TLN2: variants seen among roughly 807,000 people sequenced by gnomAD.
TLN2 encodes the protein talin-2.
Under a neutral mutation model 294.7 loss-of-function variants are expected in TLN2, and 118 were observed. That is an observed-to-expected ratio of 0.40 (90% CI 0.34 to 0.47). TLN2 has a LOEUF of 0.47. TLN2 is among the 20% of genes least tolerant of loss of function. The pLI is 0.84. For missense variants in TLN2, 3,083 were observed against 3,282.2 expected, an observed-to-expected ratio of 0.94 and a Z score of 1.48; for synonymous variants, 1,431 against 1,304.5, an observed-to-expected ratio of 1.10 and a Z score of -2.09.
intron 1 of TLN2, among the ~76,000 whole-genome samples, chr15:62,435,166 T>C (rs991114746): frequency 2.6e-5 from 4 of 152,246 alleles, no homozygotes; most frequent in African/African-American, 9.6e-5. Flanking sequence ...CAGTCTATCA[T>C]TGATGGGCAT....
At chr15:62,633,345 G>A (rs1362227191) in intron 3 of TLN2, among the ~76,000 whole-genome samples, 1 of 152,222 alleles carries the variant, frequency 6.6e-6, no homozygotes. Flanking sequence ...TACTCAGGCT[G>A]CAGTACGGTG....
chr15:62,564,941 T>TAC (rs376976557), intron 1 of TLN2, among the ~76,000 whole-genome samples: 15,188 of 136,842 alleles, frequency 0.11, 1,071 homozygotes, highest in African/African-American at 0.17. Context: ...TATATATATA[T>TAC]ACTGCATTCC....
chr15:62,468,610 T>C (rs969291890), intron 1 of TLN2, among the ~76,000 whole-genome samples: 2 of 151,886 alleles, frequency 1.3e-5, no homozygotes, highest in Admixed American at 6.6e-5. Flanking sequence ...CCGGGTGTGG[T>C]GGCGGGCGCC....
Position 62,518,866 on chromosome 15 carries a change from G to T in TLN2, c.-237-70821G>T, listed in dbSNP as rs1035457788. On this transcript the variant is annotated intron_variant, in intron 1 of 58. Coordinates refer to ENST00000636159, the MANE Select transcript of TLN2 (RefSeq NM_015059.3). ...ACCAGCCTCAGCCTCCCAAAGTGCA[G>T]GGATTATAGGAGTGAGCCATGGCGT... Among the ~76,000 whole-genome samples the T allele has an allele frequency of 1.1e-4, 16 of 152,174 alleles. No homozygotes were observed. In the South Asian group the frequency reaches 2.1e-3, roughly 20 times the overall value.
chr15:62,456,087 T>C (rs895543492), intron 1 of TLN2, among the ~76,000 whole-genome samples: 1 of 150,966 alleles, frequency 6.6e-6, no homozygotes, highest in Non-Finnish European at 1.5e-5. Flanking sequence ...AAAAAGAACC[T>C]TACTGGATCA....
chr15:62,657,739 CT>C, intron 8 of TLN2, 31 bp from the exon 9 acceptor site: 2 of 1,607,926 alleles, frequency 1.2e-6, no homozygotes, highest in Non-Finnish European at 1.7e-6. Flanking sequence ...TCCCCGAAGC[CT>C]CTGATGCTTT....
rs140481334 is a variant in TLN2 at position 62,785,215 on chromosome 15, T to G, written c.5736+1325T>G. Among the ~76,000 whole-genome samples the G allele has an allele frequency of 9.8e-5, 15 of 152,344 alleles. No homozygotes were observed. In the East Asian group the frequency reaches 2.7e-3, roughly 27 times the overall value. On this transcript the variant is annotated intron_variant, in intron 45 of 58. Coordinates refer to ENST00000636159, the MANE Select transcript of TLN2 (RefSeq NM_015059.3). The stretch of plus-strand genomic sequence containing the variant: ...TCAGATACCCACATTAAGATTCTGT[T>G]GATTCTTTACACAGGCCTATCATTT...
At chr15:62,422,085 A>AC (rs1455906358) in intron 1 of TLN2, among the ~76,000 whole-genome samples, 1 of 151,654 alleles carries the variant, frequency 6.6e-6, no homozygotes, top group African/African-American at 2.4e-5. Context: ...ACATGGTGAA[A>AC]CCCCGTCTGT....
intron 1 of TLN2, among the ~76,000 whole-genome samples, chr15:62,536,256 A>G (rs553467621): frequency 2.6e-4 from 40 of 152,302 alleles, no homozygotes; most frequent in African/African-American, 9.6e-4. Context: ...GCTTTTTTAA[A>G]GCTGCTCAGG....
chr15:62,569,518 A>T (rs1226045124), intron 1 of TLN2, among the ~76,000 whole-genome samples: 1 of 152,150 alleles, frequency 6.6e-6, no homozygotes, highest in East Asian at 1.9e-4. Context: ...GGGTGCTAGG[A>T]TGGTCTTCTC....
chr15:62,685,399 T>C (rs973735927), intron 11 of TLN2, among the ~76,000 whole-genome samples: 1 of 152,162 alleles, frequency 6.6e-6, no homozygotes, highest in East Asian at 1.9e-4. Flanking sequence ...TGTCTGAAAA[T>C]TGGGTGGTTT....
chr15:62,771,798 C>G (rs1217752747), intron 42 of TLN2, among the ~76,000 whole-genome samples: 1 of 152,210 alleles, frequency 6.6e-6, no homozygotes, highest in African/African-American at 2.4e-5. Context: ...GGAGGATGGA[C>G]TGGGCTGCAG....
chr15:62,659,895 TAAAAC>T (rs1485835509), intron 9 of TLN2, among the ~76,000 whole-genome samples: 4 of 152,186 alleles, frequency 2.6e-5, no homozygotes, highest in Non-Finnish European at 1.5e-5. Flanking sequence ...CCTTCTTAAT[TAAAAC>T]AAAACAGCGA....
intron 1 of TLN2, among the ~76,000 whole-genome samples, chr15:62,521,773 T>G (rs190577587): frequency 3.2e-4 from 49 of 152,328 alleles, no homozygotes; most frequent in South Asian, 6.2e-4. Flanking sequence ...AACGGACATT[T>G]TCCGCATGCA....
intron 1 of TLN2, among the ~76,000 whole-genome samples, chr15:62,523,607 G>A (rs886374577): frequency 2.0e-5 from 3 of 152,140 alleles, no homozygotes; most frequent in Non-Finnish European, 2.9e-5. Context: ...GGCGTAAGTG[G>A]GAGAATTTAT....
At chr15:62,572,089 C>A (rs2043920518) in intron 1 of TLN2, among the ~76,000 whole-genome samples, 1 of 152,162 alleles carries the variant, frequency 6.6e-6, no homozygotes, top group Non-Finnish European at 1.5e-5. Context: ...CTCTAATTCC[C>A]TGTTATGCTC....
chr15:62,506,670 G>C (rs1237766469), intron 1 of TLN2, among the ~76,000 whole-genome samples: 1 of 152,214 alleles, frequency 6.6e-6, no homozygotes, highest in Non-Finnish European at 1.5e-5. Flanking sequence ...CTAGGGTCTT[G>C]CATACTTTGA....
chr15:62,513,686 C>G (rs577606394), intron 1 of TLN2, among the ~76,000 whole-genome samples: 16 of 152,324 alleles, frequency 1.1e-4, no homozygotes, highest in African/African-American at 3.1e-4. Flanking sequence ...ACTAAAGGGT[C>G]TAGCAGAGTG....
At chr15:62,687,288 G>GT (rs781226745) in intron 12 of TLN2, among the ~76,000 whole-genome samples, 4 of 152,182 alleles carry the variant, frequency 2.6e-5, no homozygotes, top group African/African-American at 9.7e-5. Flanking sequence ...TAGAAATCCA[G>GT]TTTGTCATTT....
Sources: allele counts gnomAD v4.1 joint callset (sites outside exome capture counted in the v4.1 genomes callset), GRCh38; gene constraint gnomAD v4.1.1; transcripts MANE v1.5; gene names NCBI Gene and HGNC (gene_info 2026-07-23, HGNC 2026-07-21).